The following ZMAT4 variants were observed in gnomAD, a reference collection of about 807,000 sequenced individuals.
The protein encoded by ZMAT4 is zinc finger matrin-type protein 4.
A neutral mutation model predicts 28.7 loss-of-function variants in ZMAT4; 17 were observed. That is an observed-to-expected ratio of 0.59 (90% CI 0.41 to 0.89). The LOEUF (loss-of-function observed/expected upper bound fraction) is 0.89. Ranked by LOEUF, ZMAT4 falls within the 40% of genes least tolerant of loss-of-function variation. The probability of loss-of-function intolerance (pLI) is 0.00; values close to 1 mark genes in which losing one functional copy is unlikely to be tolerated. For missense variants in ZMAT4, 240 were observed against 283.8 expected (o/e 0.85, Z 1.11); for synonymous variants, 117 against 109.2 (o/e 1.07, Z -0.44).
chr8:40,557,298 A>G (rs1006164393), intron 6 of ZMAT4, among the ~76,000 whole-genome samples: 1 of 152,176 alleles, frequency 6.6e-6, no homozygotes, highest in African/African-American at 2.4e-5. Context: ...TCAGCCATAA[A>G]AAGAATATAA....
At chr8:40,665,007 T>A (rs1052805251) in intron 5 of ZMAT4, among the ~76,000 whole-genome samples, 1 of 152,098 alleles carries the variant, frequency 6.6e-6, no homozygotes, top group African/African-American at 2.4e-5. Flanking sequence ...AAGCAGTTAA[T>A]CCTCTGTCAC....
intron 5 of ZMAT4, among the ~76,000 whole-genome samples, chr8:40,647,431 A>G (rs1442248686): frequency 6.6e-6 from 1 of 152,216 alleles, no homozygotes; most frequent in East Asian, 1.9e-4. Context: ...TCCTACACCC[A>G]CGGAGTCTAG....
intron 1 of ZMAT4, among the ~76,000 whole-genome samples, chr8:40,842,063 G>A (rs1027663817): frequency 2.0e-5 from 3 of 152,172 alleles, no homozygotes; most frequent in Non-Finnish European, 4.4e-5. Context: ...GAAAGTATTA[G>A]GTCTTCCCTC....
chr8:40,532,163 C>A lies in ZMAT4; in HGVS notation c.*60G>T. 2 of 1,498,518 alleles carry A rather than the reference C, an allele frequency of 1.3e-6. No homozygotes were observed. Among genetic ancestry groups the A allele is most frequent in the South Asian group, 1.4e-5 (1 of 71,698 alleles). 92.8% of individuals were successfully genotyped at this position (1,498,518 alleles called of 1,614,324 possible). A position where few individuals can be genotyped will look rare whatever the true frequency, so the allele number is the denominator to read the frequency against. On this transcript the variant is annotated 3_prime_UTR_variant, in exon 7 of 7. Coordinates refer to ENST00000297737, the MANE Select transcript of ZMAT4 (RefSeq NM_024645.3). ...GAAGCCTCCTCTGGTGGTTGATAAG[C>A]AATTCTCCACGGCAGAGAAATGCTA...
At chr8:40,845,796 A>AAAAAG (rs1554570157) in intron 1 of ZMAT4, among the ~76,000 whole-genome samples, 1 of 120,598 alleles carries the variant, frequency 8.3e-6, no homozygotes, top group African/African-American at 2.8e-5. Context: ...AAAAAAAAAA[A>AAAAAG]AGAGAGAGAG....
chr8:40,767,055 G>T (rs1053129562), intron 3 of ZMAT4, among the ~76,000 whole-genome samples: 16 of 152,172 alleles, frequency 1.1e-4, no homozygotes, highest in Non-Finnish European at 1.9e-4. Context: ...TATTTCATCA[G>T]CCTTTGCCTT....
chr8:40,881,431 GAGAGAAAGAAAGAA>G (rs1179333728), intron 1 of ZMAT4, among the ~76,000 whole-genome samples: 3 of 101,666 alleles, frequency 3.0e-5, no homozygotes, highest in African/African-American at 8.2e-5. Flanking sequence ...AAAGAAGAAA[GAGAGAAAGAAAGAA>G]AGAAAGAAAG....
intron 1 of ZMAT4, among the ~76,000 whole-genome samples, chr8:40,883,305 T>C (rs1429398394): frequency 6.6e-6 from 1 of 152,192 alleles, no homozygotes; most frequent in African/African-American, 2.4e-5. Flanking sequence ...ACATGTTCCC[T>C]AGTCTGTTTT....
intron 2 of ZMAT4, among the ~76,000 whole-genome samples, chr8:40,813,929 T>G (rs1346932688): frequency 6.6e-6 from 1 of 152,160 alleles, no homozygotes; most frequent in East Asian, 1.9e-4. Context: ...ACTTAAAAAC[T>G]TTAAAAGGAC....
intron 1 of ZMAT4, among the ~76,000 whole-genome samples, chr8:40,827,670 G>A (rs112880335): frequency 6.6e-6 from 1 of 152,298 alleles, no homozygotes; most frequent in Non-Finnish European, 1.5e-5. Flanking sequence ...GCAAGCAATA[G>A]TTATGCCAGG....
chr8:40,822,205 G>T (rs537218322), intron 2 of ZMAT4, among the ~76,000 whole-genome samples: 1 of 152,132 alleles, frequency 6.6e-6, no homozygotes, highest in Non-Finnish European at 1.5e-5. Flanking sequence ...CTGAACTATC[G>T]GTGACTTTTT....
At chr8:40,745,494 A>G (rs1293969505) in intron 3 of ZMAT4, among the ~76,000 whole-genome samples, 2 of 152,170 alleles carry the variant, frequency 1.3e-5, no homozygotes, top group East Asian at 3.9e-4. Flanking sequence ...CTCTGAGCAA[A>G]ACAATAGACT....
chr8:40,819,340 A>G (rs968826614), intron 2 of ZMAT4, among the ~76,000 whole-genome samples: 1 of 152,180 alleles, frequency 6.6e-6, no homozygotes, highest in African/African-American at 2.4e-5. Context: ...CCCATAACCC[A>G]TATCTTGACA....
intron 5 of ZMAT4, among the ~76,000 whole-genome samples, chr8:40,601,738 G>A (rs554724155): frequency 8.0e-5 from 12 of 150,108 alleles, no homozygotes; most frequent in African/African-American, 2.5e-4. Flanking sequence ...AGAGAAAGCA[G>A]GCAGGCAGGC....
At chr8:40,634,737 C>T (rs987256678) in intron 5 of ZMAT4, among the ~76,000 whole-genome samples, 1 of 152,098 alleles carries the variant, frequency 6.6e-6, no homozygotes, top group Admixed American at 6.6e-5. Flanking sequence ...ACTGATGATA[C>T]CTTATCACTT....
At chr8:40,777,507 G>A (rs13277336) in intron 2 of ZMAT4, among the ~76,000 whole-genome samples, 21,655 of 152,242 alleles carry the variant, frequency 0.14, 2,091 homozygotes, top group Non-Finnish European at 0.21. Flanking sequence ...TCTTCCTACC[G>A]AAAGCACTGG....
intron 1 of ZMAT4, among the ~76,000 whole-genome samples, chr8:40,851,593 T>G (rs1817109216): frequency 6.6e-6 from 1 of 152,184 alleles, no homozygotes; most frequent in African/African-American, 2.4e-5. Context: ...ACATTTTATT[T>G]TTAATTTTTA....
intron 5 of ZMAT4, among the ~76,000 whole-genome samples, chr8:40,627,549 A>G (rs1806421147): frequency 1.3e-5 from 2 of 152,352 alleles, no homozygotes; most frequent in African/African-American, 2.4e-5. Context: ...TATTAACAAT[A>G]TCATAATTCA....
At chr8:40,679,574 G>A (rs1445020374) in intron 4 of ZMAT4, among the ~76,000 whole-genome samples, 1 of 152,158 alleles carries the variant, frequency 6.6e-6, no homozygotes, top group African/African-American at 2.4e-5. Flanking sequence ...ATCAGATCTT[G>A]TGAGAACTCA....
Sources: gnomAD v4.1 joint callset for allele counts (sites outside exome capture counted in the v4.1 genomes callset) on GRCh38, gnomAD v4.1.1 for gene constraint, MANE v1.5 for transcripts, NCBI Gene and HGNC (gene_info 2026-07-23, HGNC 2026-07-21) for gene names.